Variants in ENTPD1 observed in about 807,000 individuals in gnomAD.
The protein encoded by ENTPD1 is ATP diphosphohydrolase.
ENTPD1 carries 33 observed loss-of-function variants against 57.0 expected under a neutral mutation model. The observed-to-expected ratio is 0.58, with a 90% CI of 0.44 to 0.77. The LOEUF (loss-of-function observed/expected upper bound fraction) is 0.77. Among genes scored for constraint, ENTPD1 ranks in the 30% least tolerant of loss-of-function variants. ENTPD1 has a pLI of 0.00. For missense variants in ENTPD1, 501 were observed against 603.4 expected (o/e 0.83, Z 1.78); for synonymous variants, 202 against 218.8 (o/e 0.92, Z 0.68).
At chr10:95,852,668 C>T (rs1465669107) in intron 7 of ENTPD1, among the ~76,000 whole-genome samples, 2 of 152,180 alleles carry the variant, frequency 1.3e-5, no homozygotes, top group African/African-American at 4.8e-5. Flanking sequence ...GTTTTCCCAG[C>T]ACCATTTATT....
At chr10:95,817,274 GCC>G (rs2140496886) in intron 1 of ENTPD1, among the ~76,000 whole-genome samples, 1 of 152,340 alleles carries the variant, frequency 6.6e-6, no homozygotes, top group African/African-American at 2.4e-5. Context: ...GGATGCGTCT[GCC>G]CAGACCTGGT....
intron 7 of ENTPD1, among the ~76,000 whole-genome samples, chr10:95,856,985 T>A (rs905909917): frequency 1.3e-5 from 2 of 152,080 alleles, no homozygotes; most frequent in Admixed American, 6.6e-5. Flanking sequence ...CTTGTATTAT[T>A]TAAATTCTAT....
chr10:95,843,083 G>GGAAGACTTAGAGGAAGGGATGCCT (rs2098425863), intron 4 of ENTPD1: 1 of 152,274 alleles, frequency 6.6e-6, no homozygotes, highest in Non-Finnish European at 1.5e-5. Context: ...GAGGAGGTCA[G>GGAAGACTTAGAGGAAGGGATGCCT]GAAGACTTAG....
At chr10:95,710,221 A>G (rs139442239), upstream of ENTPD1, among the ~76,000 whole-genome samples, 2,319 of 151,158 alleles carry the variant, frequency 0.015, 64 homozygotes, top group African/African-American at 0.054. Flanking sequence ...CTTGGCCAAT[A>G]TGGTGAAACC....
intron 2 of ENTPD1, among the ~76,000 whole-genome samples, chr10:95,838,125 C>A (rs1177340010): frequency 1.3e-5 from 2 of 152,170 alleles, no homozygotes; most frequent in Non-Finnish European, 2.9e-5. Context: ...CCATTTACTT[C>A]CCTCTATGTT....
At position 95,847,837 on chromosome 10, in the gene ENTPD1, G is replaced by A. The variant is rs1332817621; in HGVS notation, c.1074+131G>A. On this transcript the variant is annotated intron_variant, in intron 7 of 9. Coordinates refer to ENST00000371205, the MANE Select transcript of ENTPD1 (RefSeq NM_001776.6). ...TCTTGAGGTAGATGATTAGGGGTTG[G>A]TTCTTCAGCTCAACTATGTCAGAAC... The A allele has an allele frequency of 3.0e-6, 4 of 1,318,428 alleles. No individual in the cohort carries two copies. The African/African-American group carries it at 5.8e-5, about 19-fold the overall frequency. The allele number at this position is 1,318,428 out of a possible 1,614,324, so 81.7% of individuals were successfully genotyped here. A position where few individuals can be genotyped will look rare whatever the true frequency, so the allele number is the denominator to read the frequency against.
At chr10:95,860,985 C>T (rs762508961) in intron 8 of ENTPD1, among the ~76,000 whole-genome samples, 1 of 152,194 alleles carries the variant, frequency 6.6e-6, no homozygotes. Flanking sequence ...TACATCTGTT[C>T]CTTTTTACAG....
chr10:95,702,158 G>T, the ENTPD1 span, among the ~76,000 whole-genome samples: 2 of 151,834 alleles, frequency 1.3e-5, no homozygotes, highest in East Asian at 1.9e-4. Flanking sequence ...ATGTTTAGAA[G>T]ATCAAATTAA....
chr10:95,810,805 A>G (rs1464026914), intron 1 of ENTPD1, among the ~76,000 whole-genome samples: 1 of 152,202 alleles, frequency 6.6e-6, no homozygotes, highest in Non-Finnish European at 1.5e-5. Flanking sequence ...CCTGTTTCCA[A>G]GGTAAAGGAA....
At chr10:95,748,379 T>C (rs2098008320) in intron 1 of ENTPD1, among the ~76,000 whole-genome samples, 1 of 152,226 alleles carries the variant, frequency 6.6e-6, no homozygotes, top group Non-Finnish European at 1.5e-5. Context: ...TCCCACTTTT[T>C]CACCAGGATT....
intron 1 of ENTPD1, among the ~76,000 whole-genome samples, chr10:95,777,062 G>A (rs1016092421): frequency 2.0e-5 from 3 of 152,128 alleles, no homozygotes; most frequent in Non-Finnish European, 2.9e-5. Flanking sequence ...GCTTCCTTGC[G>A]ATGGGTTCGA....
intron 9 of ENTPD1, among the ~76,000 whole-genome samples, chr10:95,865,739 A>G (rs2098473114): frequency 6.6e-6 from 1 of 152,168 alleles, no homozygotes; most frequent in African/African-American, 2.4e-5. Context: ...TAGGACTGAC[A>G]CACGAGGTAG....
At chr10:95,859,097 T>C (rs2140963312) in intron 7 of ENTPD1, among the ~76,000 whole-genome samples, 1 of 152,244 alleles carries the variant, frequency 6.6e-6, no homozygotes, top group African/African-American at 2.4e-5. Flanking sequence ...AAAGGAAAAT[T>C]TATTAAAAAG....
intron 1 of ENTPD1, among the ~76,000 whole-genome samples, chr10:95,773,392 A>G (rs2098122305): frequency 6.6e-6 from 1 of 152,200 alleles, no homozygotes; most frequent in African/African-American, 2.4e-5. Flanking sequence ...TGCATTGTCA[A>G]TGGACAGTAA....
intron 1 of ENTPD1, among the ~76,000 whole-genome samples, chr10:95,763,604 G>GT (rs1290181481): frequency 6.6e-6 from 1 of 152,144 alleles, no homozygotes; most frequent in Non-Finnish European, 1.5e-5. Flanking sequence ...TCTCTGATGG[G>GT]TAGAGAGGAG....
intron 1 of ENTPD1, among the ~76,000 whole-genome samples, chr10:95,818,548 G>C (rs207471288): frequency 4.6e-5 from 7 of 152,158 alleles, no homozygotes; most frequent in Non-Finnish European, 7.3e-5. Context: ...CACCAGAAAG[G>C]GCCATTGTAG....
In ENTPD1 at chr10:95,875,391, A is replaced by C. The variant is rs1286081133; in HGVS notation, c.*9008A>C. ...CTAAAACATAACAAGGGTCACCTTT[A>C]CTTCAGTTCCCAACAAGGTCTTCAT... On this transcript the variant is annotated 3_prime_UTR_variant, in exon 10 of 10. Coordinates refer to ENST00000371205, the MANE Select transcript of ENTPD1 (RefSeq NM_001776.6). 1 of 152,316 alleles carries C rather than the reference A, an allele frequency of 6.6e-6. No homozygotes were observed. Among genetic ancestry groups the C allele is most frequent in the Non-Finnish European group, 1.5e-5 (1 of 68,188 alleles). The allele number at this position is 152,316 out of a possible 1,614,324, so 9.4% of individuals were successfully genotyped here. A position where few individuals can be genotyped will look rare whatever the true frequency, so the allele number is the denominator to read the frequency against.
chr10:95,783,814 G>A (rs375823821), intron 1 of ENTPD1, among the ~76,000 whole-genome samples: 8 of 151,906 alleles, frequency 5.3e-5, no homozygotes, highest in South Asian at 2.1e-4. Flanking sequence ...GGCAAGTCAC[G>A]TGGCAAAAAG....
intron 2 of ENTPD1, among the ~76,000 whole-genome samples, chr10:95,838,263 C>G (rs1361163641): frequency 1.3e-5 from 2 of 152,138 alleles, no homozygotes; most frequent in Non-Finnish European, 2.9e-5. Flanking sequence ...CCAAAGATGA[C>G]TATCAGTTGA....
Sources: allele counts gnomAD v4.1 joint callset (sites outside exome capture counted in the v4.1 genomes callset), GRCh38; gene constraint gnomAD v4.1.1; transcripts MANE v1.5; gene names NCBI Gene and HGNC (gene_info 2026-07-23, HGNC 2026-07-21).